The following ZNF566 variants were observed in gnomAD, a reference collection of about 807,000 sequenced individuals.
ZNF566 encodes the protein zinc finger protein 566.
In ZNF566, 27 loss-of-function variants were observed where a neutral mutation model predicts 32.8. That is an observed-to-expected ratio of 0.82 (90% CI 0.61 to 1.14). ZNF566 has a LOEUF of 1.14. ZNF566 is among the 50% of genes most tolerant of loss of function. The pLI is 0.00. For synonymous variants in ZNF566, 154 were observed against 159.5 expected, an observed-to-expected ratio of 0.97 and a Z score of 0.26; for missense variants, 402 against 490.4, an observed-to-expected ratio of 0.82 and a Z score of 1.70.
At chr19:36,454,671 A>G (rs577148985) in intron 4 of ZNF566, among the ~76,000 whole-genome samples, 9 of 152,330 alleles carry the variant, frequency 5.9e-5, no homozygotes, top group African/African-American at 2.2e-4. Flanking sequence ...AAAACTACCA[A>G]ACCTGAATCA....
Position 36,449,399 on chromosome 19 carries a change from C to T in ZNF566, c.835G>A (p.Gly279Ser), listed in dbSNP as rs777231866. ...NFTRHQRIHT[G>S]EKPYECKECG... ...TCTTTGCATTCATAAGGCTTCTCACCTGTGTGAATTCTCTGATGTCGAGTG... is the reference window on the plus strand; with the variant it reads ...TCTTTGCATTCATAAGGCTTCTCACTTGTGTGAATTCTCTGATGTCGAGTG... The change falls in exon 5 of 5, where the codon GGT becomes AGT. Residue 279 changes from glycine (G) to serine (S), a missense_variant. Physicochemically the swap from Gly to Ser is moderately conservative, Grantham distance 56. This residue lies in a region of ZNF566 where 135 missense variants were observed against 210.0 expected (regional missense o/e 0.64). Coordinates refer to ENST00000452939, the MANE Select transcript of ZNF566 (RefSeq NM_001145344.1). 1 of 1,613,962 alleles carries T rather than the reference C, an allele frequency of 6.2e-7. No homozygotes were observed. Among genetic ancestry groups the T allele is most frequent in the Non-Finnish European group, 8.5e-7 (1 of 1,180,024 alleles).
At chr19:36,468,185 CAAAA>C (rs34868021) in intron 4 of ZNF566, among the ~76,000 whole-genome samples, 4 of 101,578 alleles carry the variant, frequency 3.9e-5, no homozygotes, top group Non-Finnish European at 4.0e-5. Flanking sequence ...AACTCTGCCT[CAAAA>C]AAAAAAAAAA....
intron 4 of ZNF566, among the ~76,000 whole-genome samples, chr19:36,471,316 T>C (rs1279746802): frequency 6.6e-6 from 1 of 151,896 alleles, no homozygotes; most frequent in East Asian, 1.9e-4. Flanking sequence ...CCATGGCCTG[T>C]ATGGCAGACA....
chr19:36,447,934 A>G lies in ZNF566; in HGVS notation c.*1043T>C, dbSNP rs1179387288. On this transcript the variant is annotated 3_prime_UTR_variant, in exon 5 of 5. Transcript: ENST00000452939. ...TAATAATACTGATGATGATGAATAT[A>G]ATAACGATGACTAACATTCAGTGAG... 6.6e-6 allele frequency: 1 copy of G among 152,200 alleles called. No homozygotes were observed. The highest frequency in any genetic ancestry group is 1.5e-5 in the Non-Finnish European group (1 of 68,024). The allele number at this position is 152,200 out of a possible 1,614,324, so 9.4% of individuals were successfully genotyped here. A position where few individuals can be genotyped will look rare whatever the true frequency, so the allele number is the denominator to read the frequency against.
chr19:36,457,953 G>A lies in ZNF566; in HGVS notation c.233-7952C>T, dbSNP rs189503978. Among the ~76,000 whole-genome samples the A allele has an allele frequency of 1.7e-3, 262 of 152,118 alleles. 3 individuals carry two copies. Among genetic ancestry groups the A allele is most frequent in the Middle Eastern group, 3.4e-3 (1 of 294 alleles). On this transcript the variant is annotated intron_variant, in intron 4 of 4. Coordinates refer to ENST00000452939, the MANE Select transcript of ZNF566 (RefSeq NM_001145344.1). ...CTGTCAGAACTGCTATTATCAAAAG[G>A]ACAAAAAATAACAAGTGTTGGAAAG... is the stretch of plus-strand genomic sequence containing the variant.
rs201784748 is a variant in ZNF566 at position 36,487,897 on chromosome 19, CAAAAAAA to C, written c.-60+1582_-60+1588del. 5.3e-5 allele frequency among the ~76,000 whole-genome samples: 4 copies of C among 75,562 alleles called. No individual in the cohort carries two copies. In the South Asian group the frequency reaches 2.2e-3, roughly 41 times the overall value. 49.6% of individuals were successfully genotyped at this position (75,562 alleles called of 152,430 possible). ...GGGTGACAAGAGCAAGACTCTGTCT[CAAAAAAA>C]AAAAAAAAAAAAAAAAAAAGAATGG... On this transcript the variant is annotated intron_variant, in intron 1 of 4. Coordinates refer to ENST00000452939, the MANE Select transcript of ZNF566 (RefSeq NM_001145344.1).
At chr19:36,456,094 G>A (rs544001375) in intron 4 of ZNF566, among the ~76,000 whole-genome samples, 3 of 151,696 alleles carry the variant, frequency 2.0e-5, no homozygotes, top group Admixed American at 2.0e-4. Flanking sequence ...TACAAAAATC[G>A]GTTGTTTCTA....
rs571637841 is a variant in ZNF566 at position 36,469,264 on chromosome 19, C to T, written c.232+3647G>A. Among the ~76,000 whole-genome samples, 23 of 151,922 alleles carry T rather than the reference C, an allele frequency of 1.5e-4. No individual in the cohort carries two copies. In the East Asian group the frequency reaches 2.9e-3, roughly 19 times the overall value. On this transcript the variant is annotated intron_variant, in intron 4 of 4. Coordinates refer to ENST00000452939, the MANE Select transcript of ZNF566 (RefSeq NM_001145344.1). ...TTACTTGAAATTATTTGTGGTGGGA[C>T]GCGGTGGCTTACGCCTGCAATCCCA...
intron 2 of ZNF566, 136 bp downstream of exon 2, chr19:36,476,413 G>T: frequency 8.1e-6 from 5 of 620,046 alleles, no homozygotes; most frequent in Admixed American, 3.2e-5. Flanking sequence ...GCAAAATTCT[G>T]ACATTGCTCA....
At chr19:36,457,091 C>A (rs2033334866) in intron 4 of ZNF566, among the ~76,000 whole-genome samples, 1 of 152,174 alleles carries the variant, frequency 6.6e-6, no homozygotes, top group Non-Finnish European at 1.5e-5. Flanking sequence ...AGAACCCATA[C>A]AGAACCCATG....
intron 4 of ZNF566, among the ~76,000 whole-genome samples, chr19:36,459,236 C>T (rs1015448857): frequency 3.3e-5 from 5 of 152,096 alleles, no homozygotes; most frequent in African/African-American, 7.2e-5. Context: ...AACAAATTTC[C>T]AGGGTTGATG....
chr19:36,466,054 GA>G (rs550607810), intron 4 of ZNF566, among the ~76,000 whole-genome samples: 7 of 146,768 alleles, frequency 4.8e-5, no homozygotes, highest in South Asian at 4.3e-4. Flanking sequence ...TCCTATCACT[GA>G]AAAAAAAAAG....
chr19:36,472,167 A>G (rs2033781114), intron 4 of ZNF566, among the ~76,000 whole-genome samples: 1 of 151,958 alleles, frequency 6.6e-6, no homozygotes, highest in Non-Finnish European at 1.5e-5. Flanking sequence ...TTCATACCAA[A>G]TCTCTCTTTG....
chr19:36,465,695 G>T (rs989351816), intron 4 of ZNF566, among the ~76,000 whole-genome samples: 1 of 151,510 alleles, frequency 6.6e-6, no homozygotes. Context: ...GGATGGTCTC[G>T]ATCTCCTGAC....
At chr19:36,472,321 C>T (rs912766123) in intron 4 of ZNF566, among the ~76,000 whole-genome samples, 3 of 152,206 alleles carry the variant, frequency 2.0e-5, no homozygotes, top group African/African-American at 4.8e-5. Flanking sequence ...TCACTTTCTG[C>T]TAAGCTCCCT....
intron 2 of ZNF566, among the ~76,000 whole-genome samples, chr19:36,474,214 C>T (rs1354964738): frequency 1.3e-5 from 2 of 152,184 alleles, no homozygotes; most frequent in East Asian, 3.9e-4. Context: ...AGAGAGTAAA[C>T]CAGACCAGAT....
chr19:36,476,358 T>TC (rs1007679602), intron 2 of ZNF566, 191 bp downstream of exon 2: 20 of 349,628 alleles, frequency 5.7e-5, no homozygotes, highest in Non-Finnish European at 9.6e-5. Flanking sequence ...TAATCAATTC[T>TC]TTTTTTTTCT....
At chr19:36,456,278 G>A (rs2967537) in intron 4 of ZNF566, among the ~76,000 whole-genome samples, 39,124 of 149,890 alleles carry the variant, frequency 0.26, 5,164 homozygotes, top group South Asian at 0.37. Context: ...GCTCACGCCT[G>A]TAATCATAGC....
At chr19:36,488,851 A>C (rs916313955) in intron 1 of ZNF566, among the ~76,000 whole-genome samples, 1 of 151,994 alleles carries the variant, frequency 6.6e-6, no homozygotes, top group African/African-American at 2.4e-5. Flanking sequence ...AAGTGATAAA[A>C]CCTCACACTG....
Sources: allele counts gnomAD v4.1 joint callset (sites outside exome capture counted in the v4.1 genomes callset), GRCh38; gene constraint gnomAD v4.1.1; regional missense constraint gnomAD v4.1.1; transcripts MANE v1.5; gene names NCBI Gene and HGNC (gene_info 2026-07-23, HGNC 2026-07-21).